The following PRKCA variants were observed in gnomAD, a reference collection of about 807,000 sequenced individuals.
PRKCA encodes protein kinase C alpha type.
PRKCA carries 27 observed loss-of-function variants against 87.0 expected under a neutral mutation model. The ratio of observed to expected loss-of-function variants is 0.31; its 90% CI spans 0.23 to 0.43. PRKCA has a LOEUF of 0.43. Ranked by LOEUF, PRKCA falls within the 20% of genes least tolerant of loss-of-function variation. PRKCA has a pLI of 1.00. For missense variants in PRKCA, 518 were observed against 852.3 expected, an observed-to-expected ratio of 0.61 and a Z score of 4.88; for synonymous variants, 329 against 311.1, an observed-to-expected ratio of 1.06 and a Z score of -0.61.
intron 3 of PRKCA, among the ~76,000 whole-genome samples, chr17:66,534,304 A>G (rs1965136354): frequency 6.6e-6 from 1 of 152,118 alleles, no homozygotes; most frequent in Non-Finnish European, 1.5e-5. Context: ...GGTATTTCAT[A>G]TCTGATGAAG....
chr17:66,563,982 CCTTCCTTCCTTCCTTCCTTCCTCCTTT>C (rs1002557653), intron 3 of PRKCA, among the ~76,000 whole-genome samples: 8 of 142,894 alleles, frequency 5.6e-5, no homozygotes, highest in African/African-American at 1.8e-4. Flanking sequence ...TTCCTTCCTT[CCTTCCTTCCTTCCTTCCTTCCTCCTTT>C]CTTTCTCTCT....
rs188330643 is a variant in PRKCA at position 66,752,117 on chromosome 17, T to A, written c.1524+9357T>A. Among the ~76,000 whole-genome samples the A allele has an allele frequency of 2.6e-5, 4 of 152,258 alleles. No homozygotes were observed. In the East Asian group the frequency reaches 7.7e-4, roughly 29 times the overall value. Reference sequence around the variant, plus strand: ...GCTATTTTAAGAACTTGGGGTGACATCTGTATAATAGGGTATAATCACAGC... The same window carrying A: ...GCTATTTTAAGAACTTGGGGTGACAACTGTATAATAGGGTATAATCACAGC... On this transcript the variant is annotated intron_variant, in intron 13 of 16. Coordinates refer to ENST00000413366, the MANE Select transcript of PRKCA (RefSeq NM_002737.3).
At chr17:66,329,259 A>T (rs925608904) in intron 2 of PRKCA, among the ~76,000 whole-genome samples, 59 of 152,206 alleles carry the variant, frequency 3.9e-4, no homozygotes, top group African/African-American at 1.4e-3. Context: ...GGTGCCATTC[A>T]CTATTACGTA....
intron 3 of PRKCA, among the ~76,000 whole-genome samples, chr17:66,637,246 T>C (rs1039468733): frequency 2.6e-5 from 4 of 152,176 alleles, no homozygotes; most frequent in African/African-American, 7.2e-5. Flanking sequence ...CTGCCTGGCA[T>C]GCACATACTC....
chr17:66,421,285 T>C (rs1266490226), intron 2 of PRKCA, among the ~76,000 whole-genome samples: 1 of 152,142 alleles, frequency 6.6e-6, no homozygotes, highest in Non-Finnish European at 1.5e-5. Flanking sequence ...GTTCACAGGC[T>C]CTTCTAATGG....
intron 3 of PRKCA, among the ~76,000 whole-genome samples, chr17:66,564,331 G>A (rs765846014): frequency 2.2e-4 from 34 of 152,078 alleles, no homozygotes; most frequent in African/African-American, 7.2e-4. Flanking sequence ...CACCTGCCTC[G>A]AACTCCCAGA....
At chr17:66,504,571 A>G (rs1357202156) in intron 3 of PRKCA, among the ~76,000 whole-genome samples, 1 of 152,002 alleles carries the variant, frequency 6.6e-6, no homozygotes, top group African/African-American at 2.4e-5. Context: ...CAGCCTGGGC[A>G]ACAAGAGTGA....
intron 13 of PRKCA, among the ~76,000 whole-genome samples, chr17:66,767,530 G>T (rs1432916871): frequency 6.6e-6 from 1 of 152,146 alleles, no homozygotes; most frequent in African/African-American, 2.4e-5. Flanking sequence ...CTGAGATTGT[G>T]TGATTCACTT....
intron 8 of PRKCA, among the ~76,000 whole-genome samples, chr17:66,693,973 T>A (rs148934437): frequency 6.6e-6 from 1 of 152,322 alleles, no homozygotes; most frequent in East Asian, 1.9e-4. Flanking sequence ...TTCTGTGCAT[T>A]GGCATGCTTA....
At chr17:66,696,732 A>G (rs1391061604) in intron 8 of PRKCA, among the ~76,000 whole-genome samples, 7 of 152,236 alleles carry the variant, frequency 4.6e-5, no homozygotes, top group African/African-American at 7.2e-5. Flanking sequence ...TCCAACATTT[A>G]TGGTTTCTTA....
intron 2 of PRKCA, among the ~76,000 whole-genome samples, chr17:66,455,000 G>A (rs997066700): frequency 6.6e-6 from 1 of 152,240 alleles, no homozygotes; most frequent in Non-Finnish European, 1.5e-5. Context: ...AGCAGTGGAG[G>A]GAAGGTGGGG....
chr17:66,765,453 T>TCTCC (rs1433508817), intron 13 of PRKCA, among the ~76,000 whole-genome samples: 14 of 137,178 alleles, frequency 1.0e-4, no homozygotes, highest in African/African-American at 3.5e-4. Flanking sequence ...TATATATATA[T>TCTCC]ATCCATATAT....
intron 3 of PRKCA, among the ~76,000 whole-genome samples, chr17:66,594,322 C>G (rs1173178363): frequency 6.6e-6 from 1 of 152,128 alleles, no homozygotes; most frequent in African/African-American, 2.4e-5. Context: ...GTGGGGTGGT[C>G]TAAGGACTGC....
chr17:66,328,265 TCGGTCTTGAACTCCTGGC>T (rs1227997280), intron 2 of PRKCA, among the ~76,000 whole-genome samples: 9 of 152,028 alleles, frequency 5.9e-5, no homozygotes, highest in East Asian at 2.0e-4. Flanking sequence ...GTTGTCCAGG[TCGGTCTTGAACTCCTGGC>T]CGGTCTTGAA....
chr17:66,654,284 G>T (rs12600582), intron 5 of PRKCA, among the ~76,000 whole-genome samples: 2 of 152,200 alleles, frequency 1.3e-5, no homozygotes, highest in African/African-American at 4.8e-5. Flanking sequence ...GAAGCTCCGG[G>T]TGTTTCTTGA....
chr17:66,486,421 C>A (rs1254401315), intron 2 of PRKCA, among the ~76,000 whole-genome samples: 2 of 152,308 alleles, frequency 1.3e-5, no homozygotes, highest in Non-Finnish European at 2.9e-5. Flanking sequence ...GGCTTCTGGG[C>A]CATCATGGGC....
At chr17:66,400,797 C>A (rs1438548120) in intron 2 of PRKCA, among the ~76,000 whole-genome samples, 2 of 152,176 alleles carry the variant, frequency 1.3e-5, no homozygotes, top group Non-Finnish European at 2.9e-5. Context: ...GAAACAGTAG[C>A]CATCCTAATG....
intron 2 of PRKCA, among the ~76,000 whole-genome samples, chr17:66,357,113 G>A (rs1908108200): frequency 6.6e-6 from 1 of 152,162 alleles, no homozygotes; most frequent in African/African-American, 2.4e-5. Flanking sequence ...ATAGTTTGAT[G>A]GGGCAGGGTT....
At chr17:66,368,324 ATGTGTGTGTATATATG>A (rs1371758699) in intron 2 of PRKCA, among the ~76,000 whole-genome samples, 2 of 107,906 alleles carry the variant, frequency 1.9e-5, no homozygotes, top group Admixed American at 2.0e-4. Context: ...GTTTATCTAT[ATGTGTGTGTATATATG>A]TGTGTGTGTG....
Sources: allele counts gnomAD v4.1 joint callset (sites outside exome capture counted in the v4.1 genomes callset), GRCh38; gene constraint gnomAD v4.1.1; transcripts MANE v1.5; gene names NCBI Gene and HGNC (gene_info 2026-07-23, HGNC 2026-07-21).